BARD1: variants seen among roughly 807,000 people sequenced by gnomAD.
BARD1 encodes BRCA1-associated RING domain protein 1.
In BARD1, 73 loss-of-function variants were observed where a neutral mutation model predicts 77.0. The ratio of observed to expected loss-of-function variants is 0.95; its 90% CI spans 0.79 to 1.15. BARD1 has a LOEUF of 1.15. Among genes scored for constraint, BARD1 ranks in the 50% most tolerant of loss-of-function variants. The pLI, the probability that BARD1 is intolerant of heterozygous loss-of-function variation, is 0.00. For missense variants in BARD1, 993 were observed against 938.8 expected (o/e 1.06, Z -0.75); for synonymous variants, 384 against 338.0 (o/e 1.14, Z -1.49).
chr2:214,756,809 G>C (rs1693714832), intron 6 of BARD1, among the ~76,000 whole-genome samples: 1 of 152,082 alleles, frequency 6.6e-6, no homozygotes, highest in Admixed American at 6.5e-5. Context: ...TGACACAACA[G>C]ACTTCACGGA....
In BARD1 at chr2:214,769,328, A is replaced by G; in HGVS notation, c.1315-16T>C. The G allele has an allele frequency of 6.3e-7, 1 of 1,594,444 alleles. No individual in the cohort carries two copies. Among genetic ancestry groups the G allele is most frequent in the Non-Finnish European group, 8.6e-7 (1 of 1,162,236 alleles). ...GTATGTCGCCCTAGAAAAATGAACA[A>G]AACGGAAATTAAAAAGCATTAAGGA... On this transcript the variant is annotated splice_polypyrimidine_tract_variant and intron_variant, in intron 4 of 10. Transcript: ENST00000260947.
intron 7 of BARD1, among the ~76,000 whole-genome samples, chr2:214,749,368 C>T (rs1354251526): frequency 6.6e-6 from 1 of 152,060 alleles, no homozygotes; most frequent in Non-Finnish European, 1.5e-5. Flanking sequence ...TAAGAAACTA[C>T]CCTTTAAACC....
intron 4 of BARD1, among the ~76,000 whole-genome samples, chr2:214,775,702 T>C (rs1694708511): frequency 6.6e-6 from 1 of 152,192 alleles, no homozygotes; most frequent in African/African-American, 2.4e-5. Context: ...AAATGAGGTA[T>C]GCCTGTAATT....
intron 1 of BARD1, among the ~76,000 whole-genome samples, chr2:214,808,907 T>C (rs893104821): frequency 2.1e-4 from 32 of 152,340 alleles, no homozygotes; most frequent in Admixed American, 5.9e-4. Flanking sequence ...CTCCATCCCA[T>C]CTCACTCGAA....
intron 3 of BARD1, among the ~76,000 whole-genome samples, chr2:214,785,853 AC>A (rs1695248981): frequency 6.6e-6 from 1 of 152,036 alleles, no homozygotes; most frequent in Admixed American, 6.6e-5. Context: ...CTCCTAATTA[AC>A]ACAGACAATC....
intron 6 of BARD1, among the ~76,000 whole-genome samples, chr2:214,756,824 A>G (rs12694348): frequency 0.62 from 94,366 of 151,822 alleles, 29,789 homozygotes; most frequent in Non-Finnish European, 0.69. Flanking sequence ...CACGGACTCA[A>G]GGGGAAAAGG....
At chr2:214,765,418 T>C (rs1276519754) in intron 6 of BARD1, among the ~76,000 whole-genome samples, 1 of 152,220 alleles carries the variant, frequency 6.6e-6, no homozygotes, top group Non-Finnish European at 1.5e-5. Flanking sequence ...ATCCTCACTA[T>C]GCTCTGAAGA....
At chr2:214,735,988 C>T (rs1454986422) in intron 9 of BARD1, among the ~76,000 whole-genome samples, 3 of 151,794 alleles carry the variant, frequency 2.0e-5, no homozygotes, top group Non-Finnish European at 2.9e-5. Flanking sequence ...GATCTCTCTC[C>T]CCCATTTTTT....
At chr2:214,760,846 C>T (rs1307255957) in intron 6 of BARD1, among the ~76,000 whole-genome samples, 3 of 150,610 alleles carry the variant, frequency 2.0e-5, no homozygotes, top group Non-Finnish European at 4.4e-5. Flanking sequence ...GCGGTCTCGG[C>T]TCACTGCAAC....
chr2:214,750,601 A>G (rs537720285), intron 7 of BARD1, among the ~76,000 whole-genome samples: 52 of 152,156 alleles, frequency 3.4e-4, no homozygotes, highest in South Asian at 2.7e-3. Context: ...CACTTCCTCC[A>G]CACTAACAGA....
rs915951125 is a variant in BARD1 at position 214,803,064 on chromosome 2, C to T, written c.159-5947G>A. On this transcript the variant is annotated intron_variant, in intron 1 of 10. Transcript: ENST00000260947. The stretch of plus-strand genomic sequence containing the variant: ...TCTGAAACATGTGCTGTGTCAAACT[C>T]AGGGTTAAATGGATTAAGGGTTGTG... Among the ~76,000 whole-genome samples the T allele has an allele frequency of 3.3e-5, 5 of 152,016 alleles. No individual in the cohort carries two copies. The East Asian group carries it at 9.7e-4, about 29-fold the overall frequency.
intron 2 of BARD1, among the ~76,000 whole-genome samples, chr2:214,796,407 G>A (rs903746213): frequency 1.3e-5 from 2 of 152,222 alleles, no homozygotes; most frequent in African/African-American, 4.8e-5. Flanking sequence ...CTTAATATAA[G>A]TGGTATTCGT....
rs567105822 is a variant in BARD1 at position 214,763,071 on chromosome 2, T to C, written c.1568+4411A>G. Among the ~76,000 whole-genome samples, 17 of 152,216 alleles carry C rather than the reference T, an allele frequency of 1.1e-4. No homozygotes were observed. In the South Asian group the frequency reaches 3.5e-3, roughly 32 times the overall value. The stretch of plus-strand genomic sequence containing the variant: ...CCTGCCCATCTTCTCTGGCCTCTCA[T>C]CCTCCTCCATCCTTTTATTCCACTT... On this transcript the variant is annotated intron_variant, in intron 6 of 10. Transcript: ENST00000260947.
At chr2:214,738,976 C>A (rs1692690219) in intron 9 of BARD1, among the ~76,000 whole-genome samples, 2 of 151,820 alleles carry the variant, frequency 1.3e-5, no homozygotes, top group South Asian at 4.2e-4. Flanking sequence ...GAGATCTCTG[C>A]CTCAACTAAA....
At chr2:214,752,604 G>T in intron 6 of BARD1, 49 bp from the exon 7 acceptor site, 1 of 1,382,888 alleles carries the variant, frequency 7.2e-7, no homozygotes, top group South Asian at 1.2e-5. Flanking sequence ...TGTGTGACTC[G>T]ACTCAATTTT....
At chr2:214,745,263 T>A in intron 8 of BARD1, 104 bp from the exon 9 acceptor site, 1 of 1,004,910 alleles carries the variant, frequency 1.0e-6, no homozygotes, top group Non-Finnish European at 1.5e-6. Context: ...TATATCTGAA[T>A]CTTCAAAGGC....
rs1162596732 is a variant in BARD1, at chr2:214,727,560, T to TC, written c.*1115dup. On this transcript the variant is annotated 3_prime_UTR_variant, in exon 11 of 11. Coordinates refer to ENST00000260947, the MANE Select transcript of BARD1 (RefSeq NM_000465.4). ...TGAGAGCACCCAGAGCAGAGTAACC[T>TC]CCCCACATCTGGCCACTCTCAGGTG... is the stretch of plus-strand genomic sequence containing the variant. 8.6e-6 allele frequency: 2 copies of TC among 232,456 alleles called. No individual in the cohort carries two copies. Among genetic ancestry groups the TC allele is most frequent in the East Asian group, 6.1e-5 (1 of 16,482 alleles). The allele number at this position is 232,456 out of a possible 1,614,324, so 14.4% of individuals were successfully genotyped here.
At chr2:214,797,513 C>T (rs773490208) in intron 1 of BARD1, among the ~76,000 whole-genome samples, 3 of 152,094 alleles carry the variant, frequency 2.0e-5, no homozygotes, top group Non-Finnish European at 2.9e-5. Flanking sequence ...GTGTCCCACA[C>T]GTAGAATGAC....
chr2:214,793,607 T>C (rs1367465863), intron 2 of BARD1, among the ~76,000 whole-genome samples: 1 of 152,172 alleles, frequency 6.6e-6, no homozygotes. Context: ...CATCAAGAAC[T>C]ACCACCTCAT....
Sources: allele counts gnomAD v4.1 joint callset (sites outside exome capture counted in the v4.1 genomes callset), GRCh38; gene constraint gnomAD v4.1.1; transcripts MANE v1.5; gene names NCBI Gene and HGNC (gene_info 2026-07-23, HGNC 2026-07-21).